The following CCDC38 variants were observed in gnomAD, a reference collection of about 807,000 sequenced individuals.
CCDC38 encodes the protein coiled-coil domain-containing protein 38.
Under a neutral mutation model 72.8 loss-of-function variants are expected in CCDC38, and 69 were observed. That is an observed-to-expected ratio of 0.95 (90% CI 0.78 to 1.16). The LOEUF is 1.16. Ranked by LOEUF, CCDC38 falls within the 50% of genes most tolerant of loss-of-function variation. The probability of loss-of-function intolerance (pLI) is 0.00; values close to 1 mark genes in which losing one functional copy is unlikely to be tolerated. For synonymous variants in CCDC38, 201 were observed against 213.2 expected, an observed-to-expected ratio of 0.94 and a Z score of 0.50; for missense variants, 626 against 638.9, an observed-to-expected ratio of 0.98 and a Z score of 0.22.
chr12:95,888,655 A>T, intron 9 of CCDC38, 149 bp from the exon 10 acceptor site: 1 of 625,676 alleles, frequency 1.6e-6, no homozygotes, highest in Non-Finnish European at 2.8e-6. Context: ...TTTTTAAAAA[A>T]TTATTTTATT....
chr12:95,903,704 T>C (rs972731627), intron 5 of CCDC38: 6 of 396,620 alleles, frequency 1.5e-5, no homozygotes, highest in Non-Finnish European at 2.7e-5. Flanking sequence ...TATTTTTAAA[T>C]GTTAAATTAC....
rs771269053 is a variant in CCDC38, at chr12:95,878,215, G to A, written c.1274C>T (p.Ala425Val). The change falls in exon 13 of 16, where the codon GCT (alanine) becomes GTT (valine). Residue 425 changes from alanine (A) to valine (V), a missense_variant. Ala to Val is a moderately conservative substitution (Grantham distance 64, BLOSUM62 0). Transcript: ENST00000344280. ...CATAGGCAAAGAGTGATTTACCTGA[G>A]CATCTGAATTAAATTCTCCAAAGCT... Reference protein sequence around the residue: ...LFSFGEFNSDAQEILIDSLSK... With the variant: ...LFSFGEFNSDVQEILIDSLSK... The A allele has an allele frequency of 1.1e-5, 18 of 1,612,772 alleles. No homozygotes were observed. The Admixed American group carries it at 2.5e-4, about 22-fold the overall frequency.
intron 9 of CCDC38, among the ~76,000 whole-genome samples, chr12:95,890,117 G>T (rs373609850): frequency 4.7e-4 from 72 of 152,184 alleles, no homozygotes; most frequent in African/African-American, 1.7e-3. Context: ...TTTCCATGCT[G>T]CCCAGGCTTG....
At chr12:95,928,323 G>T (rs2080296041) in intron 2 of CCDC38, among the ~76,000 whole-genome samples, 1 of 152,054 alleles carries the variant, frequency 6.6e-6, no homozygotes. Flanking sequence ...TCTTCCAGTT[G>T]ATCGCATCAG....
chr12:95,908,330 C>T (rs1171331286), intron 4 of CCDC38, among the ~76,000 whole-genome samples: 1 of 149,800 alleles, frequency 6.7e-6, no homozygotes, highest in African/African-American at 2.5e-5. Flanking sequence ...GGCGTGGCGG[C>T]GCGCGCCTGC....
At position 95,895,103 on chromosome 12, in the gene CCDC38, AT is replaced by A. The variant is rs763524076; in HGVS notation, c.657del (p.Lys219AsnfsTer20). ...KTEFLLREYM[K>X]YGFFLLQMSP... ...GACATTTGCAGCAGAAAAAAACCATATTTCATATACTCCCTGAGGAGGAATT... is the reference window on the plus strand; with the variant it reads ...GACATTTGCAGCAGAAAAAAACCATATTCATATACTCCCTGAGGAGGAATT... On this transcript the variant is annotated frameshift_variant, in exon 8 of 16. Coordinates refer to ENST00000344280, the MANE Select transcript of CCDC38 (RefSeq NM_182496.3). LOFTEE classifies it high-confidence loss of function. The A allele has an allele frequency of 3.5e-4, 564 of 1,612,498 alleles. No homozygotes were observed. The highest frequency in any genetic ancestry group is 4.5e-4 in the Non-Finnish European group (530 of 1,179,482).
intron 2 of CCDC38, among the ~76,000 whole-genome samples, chr12:95,929,427 G>T (rs1170743316): frequency 6.6e-6 from 1 of 152,168 alleles, no homozygotes; most frequent in Non-Finnish European, 1.5e-5. Context: ...CCACTGACCT[G>T]CGCCCACTGT....
rs1382071344 is a variant in CCDC38, at chr12:95,879,316, T to C, written c.1142+328A>G. On this transcript the variant is annotated intron_variant, in intron 12 of 15. Transcript: ENST00000344280. This position sits in a 1 kb window ranked among gnomAD's most constrained non-coding sequence, Gnocchi z 5.5. ...ATGATTTGGTAAAGTAAATGACAGC[T>C]AGCCAAGTGATAGGGCGAAAACTAT... is the stretch of plus-strand genomic sequence containing the variant. Among the ~76,000 whole-genome samples, 1 of 152,240 alleles carries C rather than the reference T, an allele frequency of 6.6e-6. No individual in the cohort carries two copies. The highest frequency in any genetic ancestry group is 1.5e-5 in the Non-Finnish European group (1 of 68,042).
chr12:95,870,881 A>G (rs995541372), intron 14 of CCDC38, among the ~76,000 whole-genome samples: 7 of 152,238 alleles, frequency 4.6e-5, no homozygotes, highest in Non-Finnish European at 1.0e-4. Flanking sequence ...TGCGCCAAGC[A>G]TGCTCTCATA....
intron 13 of CCDC38, 141 bp downstream of exon 13, chr12:95,878,070 T>A: frequency 1.1e-6 from 1 of 938,658 alleles, no homozygotes. Context: ...CAAGATAAAT[T>A]CCAAGCTGGC....
chr12:95,918,644 C>T (rs2080171354), intron 3 of CCDC38, among the ~76,000 whole-genome samples: 1 of 152,202 alleles, frequency 6.6e-6, no homozygotes, highest in South Asian at 2.1e-4. Flanking sequence ...TCCTACTGGA[C>T]TGCAGTGGTA....
At chr12:95,926,949 G>C (rs897365079) in intron 2 of CCDC38, among the ~76,000 whole-genome samples, 6 of 152,042 alleles carry the variant, frequency 3.9e-5, no homozygotes, top group African/African-American at 1.5e-4. Context: ...GCTGAGGAGA[G>C]CTTTACTTCC....
chr12:95,898,698 T>C lies in CCDC38; in HGVS notation c.403A>G (p.Lys135Glu). ...ALSTKRNTIK[K>E]FEKDIAMRER... ...CTCATTGCTATGTCTTTTTCAAACT[T>C]TTTGATTGTGTTTCTTTTGGTTGAC... Residue 135 changes from lysine to glutamate, a missense_variant, in exon 6 of 16, where the codon AAG becomes GAG. By Grantham distance (56) the Lys-to-Glu change is moderately conservative. Transcript: ENST00000344280. 1.2e-6 allele frequency: 2 copies of C among 1,613,950 alleles called. No homozygotes were observed. Among genetic ancestry groups the C allele is most frequent in the Non-Finnish European group, 1.7e-6 (2 of 1,179,982 alleles).
rs773580774 is a variant in CCDC38, at chr12:95,872,441, A to G, written c.1298T>C (p.Leu433Pro). 6.2e-7 allele frequency: 1 copy of G among 1,613,462 alleles called. No individual in the cohort carries two copies. Among genetic ancestry groups the G allele is most frequent in the East Asian group, 2.2e-5 (1 of 44,876 alleles). The part of the protein sequence containing the change: ...SDAQEILIDS[L>P]SKKITQVYKV... ...GTATACTTGAGTAATCTTTTTACTA[A>G]GTGAGTCTATCAGTATTTCCTGAGA... Residue 433 changes from leucine (L) to proline (P), a missense_variant, in exon 14 of 16, where the codon CTT (leucine) becomes CCT (proline). Leu to Pro is a moderately conservative substitution (Grantham distance 98). Coordinates refer to ENST00000344280, the MANE Select transcript of CCDC38 (RefSeq NM_182496.3).
At chr12:95,901,792 T>G (rs1234281922) in intron 5 of CCDC38, among the ~76,000 whole-genome samples, 1 of 152,184 alleles carries the variant, frequency 6.6e-6, no homozygotes, top group Non-Finnish European at 1.5e-5. Context: ...ACAAAAGTCG[T>G]TTTGGTGAAT....
At chr12:95,877,472 TCA>T (rs1280301931) in intron 13 of CCDC38, among the ~76,000 whole-genome samples, 2 of 152,318 alleles carry the variant, frequency 1.3e-5, no homozygotes, top group Non-Finnish European at 2.9e-5. Flanking sequence ...AGCCCAACCC[TCA>T]GTTTGGTCCC....
chr12:95,928,877 G>A (rs995119805), intron 2 of CCDC38, among the ~76,000 whole-genome samples: 33 of 152,344 alleles, frequency 2.2e-4, no homozygotes, highest in African/African-American at 4.1e-4. Flanking sequence ...GGACCCACTC[G>A]AGGAGGCAGT....
intron 2 of CCDC38, among the ~76,000 whole-genome samples, chr12:95,930,169 T>G (rs1592806595): frequency 6.6e-6 from 1 of 152,118 alleles, no homozygotes; most frequent in Non-Finnish European, 1.5e-5. Flanking sequence ...ACACCAAATT[T>G]CCTATATTAT....
chr12:95,870,161 CTT>C (rs898068518), intron 14 of CCDC38, among the ~76,000 whole-genome samples: 2 of 152,190 alleles, frequency 1.3e-5, no homozygotes, highest in African/African-American at 4.8e-5. Flanking sequence ...CTTTTTAAAA[CTT>C]TTAATTGAAA....
Sources: allele counts gnomAD v4.1 joint callset (sites outside exome capture counted in the v4.1 genomes callset), GRCh38; gene constraint gnomAD v4.1.1; non-coding constraint Gnocchi (gnomAD v3.1); transcripts MANE v1.5; gene names NCBI Gene and HGNC (gene_info 2026-07-23, HGNC 2026-07-21).